Variants in PDE7B observed in about 807,000 individuals in gnomAD.
PDE7B encodes phosphodiesterase 7B.
In PDE7B, 29 loss-of-function variants were observed where a neutral mutation model predicts 56.2. The ratio of observed to expected loss-of-function variants is 0.52; its 90% CI spans 0.38 to 0.70. The LOEUF (loss-of-function observed/expected upper bound fraction) is 0.70. Among genes scored for constraint, PDE7B ranks in the 30% least tolerant of loss-of-function variants. PDE7B has a pLI of 0.00. For missense variants in PDE7B, 490 were observed against 565.0 expected (o/e 0.87, Z 1.35); for synonymous variants, 197 against 196.9 (o/e 1.00, Z 0.00).
At chr6:135,912,093 C>G (rs1776222431) in intron 1 of PDE7B, among the ~76,000 whole-genome samples, 2 of 152,152 alleles carry the variant, frequency 1.3e-5, no homozygotes, top group South Asian at 4.1e-4. Context: ...ATAGCCCTCA[C>G]TTTCCACCAC....
chr6:136,002,120 A>T (rs1182933515), intron 2 of PDE7B, among the ~76,000 whole-genome samples: 1 of 152,200 alleles, frequency 6.6e-6, no homozygotes, highest in Non-Finnish European at 1.5e-5. Context: ...AGTGAAGGAG[A>T]AATAAAATAT....
At chr6:135,989,816 T>G (rs1775448736) in intron 2 of PDE7B, among the ~76,000 whole-genome samples, 1 of 152,184 alleles carries the variant, frequency 6.6e-6, no homozygotes, top group South Asian at 2.1e-4. Flanking sequence ...TTCTCTCTAT[T>G]TTCTTGGTTC....
At chr6:136,089,237 T>C (rs1777344683) in intron 2 of PDE7B, among the ~76,000 whole-genome samples, 2 of 152,178 alleles carry the variant, frequency 1.3e-5, no homozygotes, top group Non-Finnish European at 2.9e-5. Flanking sequence ...AACCTCTGGA[T>C]AAAAAGAGGA....
rs570209020 is a variant in PDE7B at position 136,053,270 on chromosome 6, T to C, written c.83-55461T>C. ...TCCCCTTCCTGTGTCCATGTGTTCT[T>C]ATTGTTCAATTCCCACCCATGAGTT... On this transcript the variant is annotated intron_variant, in intron 2 of 12. Transcript: ENST00000308191. Among the ~76,000 whole-genome samples, 11 of 144,494 alleles carry C rather than the reference T, an allele frequency of 7.6e-5. No individual in the cohort carries two copies. In the East Asian group the frequency reaches 1.3e-3, roughly 17 times the overall value. 94.8% of individuals were successfully genotyped at this position (144,494 alleles called of 152,430 possible).
At chr6:135,894,642 T>C (rs1219636967) in intron 1 of PDE7B, among the ~76,000 whole-genome samples, 3 of 152,152 alleles carry the variant, frequency 2.0e-5, no homozygotes, top group Non-Finnish European at 4.4e-5. Context: ...CCAAATTGCA[T>C]TATTCCAATG....
chr6:135,929,478 A>C (rs572540671), intron 1 of PDE7B, among the ~76,000 whole-genome samples: 2 of 152,326 alleles, frequency 1.3e-5, no homozygotes, highest in East Asian at 1.9e-4. Flanking sequence ...AAAGTAAAAT[A>C]CTTCATTTTT....
rs536762393 is a variant in PDE7B, at chr6:135,989,144, T to C, written c.82+41620T>C. Among the ~76,000 whole-genome samples the C allele has an allele frequency of 4.6e-5, 7 of 152,250 alleles. No homozygotes were observed. In the East Asian group the frequency reaches 1.3e-3, roughly 29 times the overall value. On this transcript the variant is annotated intron_variant, in intron 2 of 12. Coordinates refer to ENST00000308191, the MANE Select transcript of PDE7B (RefSeq NM_018945.4). The stretch of plus-strand genomic sequence containing the variant: ...TCTATGTAATTAAACCAACGGAAAA[T>C]ACAAACAACCTAAAAGATATCAATT...
intron 2 of PDE7B, among the ~76,000 whole-genome samples, chr6:135,999,489 C>T (rs1311220869): frequency 2.0e-5 from 3 of 152,028 alleles, no homozygotes; most frequent in African/African-American, 7.2e-5. Context: ...ATTTACCTCC[C>T]TCTTATAAGT....
At chr6:135,938,526 G>A (rs984620909) in intron 1 of PDE7B, among the ~76,000 whole-genome samples, 4 of 152,256 alleles carry the variant, frequency 2.6e-5, no homozygotes, top group Admixed American at 6.5e-5. Context: ...ACCAGAGATC[G>A]CACTGTACTC....
intron 2 of PDE7B, among the ~76,000 whole-genome samples, chr6:135,973,421 G>A (rs1775128176): frequency 2.0e-5 from 3 of 151,030 alleles, no homozygotes; most frequent in Admixed American, 1.3e-4. Context: ...TTTGAATAGT[G>A]CTGCAATGAA....
At position 136,031,333 on chromosome 6, in the gene PDE7B, G is replaced by A. The variant is rs560392101; in HGVS notation, c.83-77398G>A. Among the ~76,000 whole-genome samples, 10 of 152,300 alleles carry A rather than the reference G, an allele frequency of 6.6e-5. No individual in the cohort carries two copies. In the East Asian group the frequency reaches 1.9e-3, roughly 29 times the overall value. Reference sequence around the variant, plus strand: ...GCCAGACTTCTGGAATCAGAAATCTGCATTTTAATGGAATCCCCAGGTTAT... The same window carrying A: ...GCCAGACTTCTGGAATCAGAAATCTACATTTTAATGGAATCCCCAGGTTAT... On this transcript the variant is annotated intron_variant, in intron 2 of 12. Coordinates refer to ENST00000308191, the MANE Select transcript of PDE7B (RefSeq NM_018945.4).
intron 1 of PDE7B, among the ~76,000 whole-genome samples, chr6:135,916,800 A>G (rs577855961): frequency 6.6e-6 from 1 of 152,276 alleles, no homozygotes; most frequent in South Asian, 2.1e-4. Flanking sequence ...TCAGATATAT[A>G]TTCAGAATGT....
intron 2 of PDE7B, among the ~76,000 whole-genome samples, chr6:135,960,392 C>G (rs1297852721): frequency 6.6e-6 from 1 of 152,130 alleles, no homozygotes. Flanking sequence ...ATGTTAGCAT[C>G]TTTAAGAGAG....
At chr6:135,894,557 C>A (rs1410977091) in intron 1 of PDE7B, among the ~76,000 whole-genome samples, 1 of 152,068 alleles carries the variant, frequency 6.6e-6, no homozygotes, top group African/African-American at 2.4e-5. Flanking sequence ...AAACATGAGG[C>A]AAATGGAGAC....
At chr6:136,051,587 A>T (rs1008246436) in intron 2 of PDE7B, among the ~76,000 whole-genome samples, 2 of 152,240 alleles carry the variant, frequency 1.3e-5, no homozygotes, top group African/African-American at 4.8e-5. Context: ...TAACCAATTC[A>T]GCTTGCTGGA....
intron 2 of PDE7B, chr6:136,037,723 G>A (rs1207419848): frequency 1.0e-6 from 1 of 985,340 alleles, no homozygotes; most frequent in Non-Finnish European, 1.2e-6. Context: ...GAGCCCCTCT[G>A]TGAGGTTAGC....
intron 2 of PDE7B, among the ~76,000 whole-genome samples, chr6:135,971,962 C>T (rs143301384): frequency 2.3e-4 from 35 of 152,200 alleles, no homozygotes; most frequent in Non-Finnish European, 4.4e-4. Context: ...GTGCCGGGCA[C>T]GGTGGCTCAT....
At position 136,192,554 on chromosome 6, in the gene PDE7B, A is replaced by G. The variant is rs1779248508; in HGVS notation, c.*714A>G. The G allele has an allele frequency of 6.6e-6, 1 of 152,626 alleles. No individual in the cohort carries two copies. Among genetic ancestry groups the G allele is most frequent in the African/African-American group, 2.4e-5 (1 of 41,438 alleles). 9.5% of individuals were successfully genotyped at this position (152,626 alleles called of 1,614,324 possible). ...CCAATCCGAAGGGAAGGTGCTGTAC[A>G]GTTCATTCCTTTGCACCATTAGCCA... On this transcript the variant is annotated 3_prime_UTR_variant, in exon 13 of 13. Transcript: ENST00000308191.
At chr6:136,177,064 G>T (rs1778988953) in intron 9 of PDE7B, among the ~76,000 whole-genome samples, 2 of 140,526 alleles carry the variant, frequency 1.4e-5, no homozygotes, top group South Asian at 4.2e-4. Flanking sequence ...AAAGCTTTTA[G>T]AATATGATGT....
Sources: allele counts gnomAD v4.1 joint callset (sites outside exome capture counted in the v4.1 genomes callset), GRCh38; gene constraint gnomAD v4.1.1; transcripts MANE v1.5; gene names NCBI Gene and HGNC (gene_info 2026-07-23, HGNC 2026-07-21).